NR6A1: variants seen among roughly 807,000 people sequenced by gnomAD.
NR6A1 encodes nuclear receptor subfamily 6 group A member 1, also known as retinoic acid receptor-related testis-associated receptor.
In NR6A1, 7 loss-of-function variants were observed where a neutral mutation model predicts 59.1. The ratio of observed to expected loss-of-function variants is 0.12; its 90% CI spans 0.07 to 0.22. The LOEUF is 0.22. Ranked by LOEUF, NR6A1 falls within the 10% of genes least tolerant of loss-of-function variation. NR6A1 has a pLI of 1.00. For synonymous variants in NR6A1, 243 were observed against 236.1 expected (o/e 1.03, Z -0.27); for missense variants, 468 against 611.6 (o/e 0.77, Z 2.48).
At chr9:124,543,342 T>C (rs970404990) in intron 4 of NR6A1, among the ~76,000 whole-genome samples, 2 of 152,202 alleles carry the variant, frequency 1.3e-5, no homozygotes, top group African/African-American at 4.8e-5. Flanking sequence ...GTTCACAGTA[T>C]AGGGCCTGGA....
chr9:124,608,097 G>A (rs553763336), intron 2 of NR6A1, among the ~76,000 whole-genome samples: 21 of 151,986 alleles, frequency 1.4e-4, no homozygotes, highest in African/African-American at 5.1e-4. Context: ...GTGCTTAGGA[G>A]GAAAAATGAC....
At chr9:124,589,640 C>T (rs757541029) in intron 2 of NR6A1, among the ~76,000 whole-genome samples, 5 of 152,200 alleles carry the variant, frequency 3.3e-5, no homozygotes, top group East Asian at 1.9e-4. Context: ...TAAATGCTCA[C>T]AGGAATGGTG....
intron 2 of NR6A1, among the ~76,000 whole-genome samples, chr9:124,569,993 C>A (rs1482400388): frequency 6.6e-6 from 1 of 152,104 alleles, no homozygotes; most frequent in Admixed American, 6.6e-5. Context: ...GTCTGGGAGC[C>A]CAATTTACTA....
intron 2 of NR6A1, chr9:124,598,774 C>T: frequency 1.1e-6 from 1 of 915,970 alleles, no homozygotes; most frequent in Non-Finnish European, 1.8e-6. Context: ...TCTAGCTTTT[C>T]CGCCACTTTT....
At chr9:124,641,759 G>A (rs570824201) in intron 2 of NR6A1, among the ~76,000 whole-genome samples, 1 of 152,312 alleles carries the variant, frequency 6.6e-6, no homozygotes, top group African/African-American at 2.4e-5. Flanking sequence ...CAGTGTCCTT[G>A]GCTTAAATAA....
Position 124,523,518 on chromosome 9 carries a change from ATT to A in NR6A1, c.1355-727_1355-726del, listed in dbSNP as rs11314511. ...TTCTCCAGGTGCAACTCAAACATTG[ATT>A]TTTTTTTTTTTTTTAAGTTTTCCAG... On this transcript the variant is annotated intron_variant, in intron 9 of 9. Coordinates refer to ENST00000487099, the MANE Select transcript of NR6A1 (RefSeq NM_033334.4). Among the ~76,000 whole-genome samples, 25 of 143,252 alleles carry A rather than the reference ATT, an allele frequency of 1.7e-4. No individual in the cohort carries two copies. The South Asian group carries it at 2.2e-3, about 13-fold the overall frequency. The allele number at this position is 143,252 out of a possible 152,430, so 94.0% of individuals were successfully genotyped here. A position where few individuals can be genotyped will look rare whatever the true frequency, so the allele number is the denominator to read the frequency against.
chr9:124,582,588 A>G (rs1259651167), intron 2 of NR6A1, among the ~76,000 whole-genome samples: 1 of 152,196 alleles, frequency 6.6e-6, no homozygotes, highest in Non-Finnish European at 1.5e-5. Context: ...TTAAAAAAAA[A>G]AAAAGAAATG....
chr9:124,548,993 C>G (rs1833690248), intron 3 of NR6A1, among the ~76,000 whole-genome samples: 1 of 152,076 alleles, frequency 6.6e-6, no homozygotes, highest in Non-Finnish European at 1.5e-5. Flanking sequence ...TGCTGAAGGA[C>G]CAACAGAAAA....
At chr9:124,609,345 G>T (rs1184248710) in intron 2 of NR6A1, among the ~76,000 whole-genome samples, 1 of 152,140 alleles carries the variant, frequency 6.6e-6, no homozygotes, top group Non-Finnish European at 1.5e-5. Context: ...AGTTCTCCCA[G>T]CATCATTTAT....
chr9:124,684,362 C>T (rs1009740800), intron 2 of NR6A1, among the ~76,000 whole-genome samples: 4 of 152,230 alleles, frequency 2.6e-5, no homozygotes, highest in Non-Finnish European at 5.9e-5. Flanking sequence ...CAAGAGCCAT[C>T]ATTAATGTCC....
chr9:124,753,077 A>G (rs1368759969), intron 1 of NR6A1, among the ~76,000 whole-genome samples: 1 of 152,238 alleles, frequency 6.6e-6, no homozygotes, highest in African/African-American at 2.4e-5. Flanking sequence ...CACCTATGTC[A>G]GTGTTTCCCA....
At chr9:124,651,568 C>T (rs975735760) in intron 2 of NR6A1, among the ~76,000 whole-genome samples, 7 of 152,146 alleles carry the variant, frequency 4.6e-5, no homozygotes, top group Non-Finnish European at 7.4e-5. Flanking sequence ...GGGGTTGGCC[C>T]CACAGTGGTT....
chr9:124,681,195 T>C (rs1020998973), intron 2 of NR6A1, among the ~76,000 whole-genome samples: 6 of 152,196 alleles, frequency 3.9e-5, no homozygotes, highest in East Asian at 3.8e-4. Context: ...ATTTTTTTCA[T>C]TGACTATCAT....
intron 1 of NR6A1, among the ~76,000 whole-genome samples, chr9:124,747,401 C>T (rs545591177): frequency 6.6e-6 from 1 of 152,098 alleles, no homozygotes; most frequent in East Asian, 1.9e-4. Context: ...CAAGAAAGGC[C>T]TATCCCAGCA....
intron 1 of NR6A1, chr9:124,770,134 G>C (rs1047568278): frequency 6.6e-6 from 1 of 152,302 alleles, no homozygotes; most frequent in Non-Finnish European, 1.5e-5. Flanking sequence ...AGAAAGAGGA[G>C]AACTGAGACT....
chr9:124,660,707 CT>C (rs1453809926), intron 2 of NR6A1, among the ~76,000 whole-genome samples: 6 of 147,868 alleles, frequency 4.1e-5, no homozygotes, highest in Non-Finnish European at 8.9e-5. Context: ...CTACTTCTAG[CT>C]TTTTTAACCA....
At chr9:124,764,738 T>G (rs528618327) in intron 1 of NR6A1, among the ~76,000 whole-genome samples, 9 of 152,356 alleles carry the variant, frequency 5.9e-5, no homozygotes, top group Admixed American at 2.0e-4. Flanking sequence ...ACAACTCCCT[T>G]AATCACTATT....
chr9:124,718,491 A>C (rs1475374982), intron 2 of NR6A1, among the ~76,000 whole-genome samples: 1 of 152,220 alleles, frequency 6.6e-6, no homozygotes, highest in East Asian at 1.9e-4. Context: ...TCTGAATGTA[A>C]AATCTGTGCT....
At chr9:124,629,584 T>A (rs1049427125) in intron 2 of NR6A1, among the ~76,000 whole-genome samples, 3 of 152,178 alleles carry the variant, frequency 2.0e-5, no homozygotes, top group Non-Finnish European at 4.4e-5. Flanking sequence ...GTTTTGAGTG[T>A]TTTTTCCTTT....
Sources: gnomAD v4.1 joint callset for allele counts (sites outside exome capture counted in the v4.1 genomes callset) on GRCh38, gnomAD v4.1.1 for gene constraint, MANE v1.5 for transcripts, NCBI Gene and HGNC (gene_info 2026-07-23, HGNC 2026-07-21) for gene names.